Variants in WWTR1 observed in about 807,000 individuals in gnomAD.
The protein encoded by WWTR1 is WW domain containing transcription regulator 1.
In WWTR1, 13 loss-of-function variants were observed where a neutral mutation model predicts 40.1. That is an observed-to-expected ratio of 0.32 (90% CI 0.21 to 0.52). The LOEUF (loss-of-function observed/expected upper bound fraction) is 0.52. Ranked by LOEUF, WWTR1 falls within the 20% of genes least tolerant of loss-of-function variation. The pLI, the probability that WWTR1 is intolerant of heterozygous loss-of-function variation, is 0.97. For missense variants in WWTR1, 436 were observed against 523.1 expected (o/e 0.83, Z 1.63); for synonymous variants, 230 against 210.1 (o/e 1.09, Z -0.82).
intron 1 of WWTR1, among the ~76,000 whole-genome samples, chr3:149,689,380 C>CAAAAAAAAAAAAAAAAAAAAAGAAA (rs1714748239): frequency 2.7e-5 from 1 of 36,696 alleles, no homozygotes; most frequent in Non-Finnish European, 4.5e-5. Context: ...GAACCTATCT[C>CAAAAAAAAAAAAAAAAAAAAAGAAA]AAAAAAAAAA....
At chr3:149,624,089 C>T (rs576562928) in intron 2 of WWTR1, among the ~76,000 whole-genome samples, 1 of 152,192 alleles carries the variant, frequency 6.6e-6, no homozygotes, top group Non-Finnish European at 1.5e-5. Flanking sequence ...CATTGAGGAA[C>T]TAAATCTTTC....
At position 149,520,947 on chromosome 3, in the gene WWTR1, T is replaced by C. The variant is rs748329270; in HGVS notation, c.1061A>G (p.Gln354Arg). ...GQTPMNINPQ[Q>R]TRFPDFLDCL... ...GTCAAGGAAATCAGGGAAACGGGTC[T>C]GTTGGGGATTGATGTTCATGGGTGT... Residue 354 changes from glutamine (Q) to arginine (R), a missense_variant, in exon 7 of 7, where the codon CAG becomes CGG. Gln to Arg is a conservative substitution (Grantham distance 43). Transcript: ENST00000360632. 32 of 1,612,036 alleles carry C rather than the reference T, an allele frequency of 2.0e-5. No individual in the cohort carries two copies. Among genetic ancestry groups the C allele is most frequent in the Non-Finnish European group, 2.7e-5 (32 of 1,179,038 alleles).
rs905818373 is a variant in WWTR1 at position 149,517,486 on chromosome 3, C to T, written c.*3319G>A. ...TTGCCCATTTTCCCAATTAAATTAA[C>T]CTACGATTTCCTTTTTTTAACAGCT... On this transcript the variant is annotated 3_prime_UTR_variant, in exon 7 of 7. Transcript: ENST00000360632. 1 of 152,104 alleles carries T rather than the reference C, an allele frequency of 6.6e-6. No individual in the cohort carries two copies. Among genetic ancestry groups the T allele is most frequent in the African/African-American group, 2.4e-5 (1 of 41,396 alleles). The allele number at this position is 152,104 out of a possible 1,614,324, so 9.4% of individuals were successfully genotyped here.
At chr3:149,621,761 TA>T (rs143922028) in intron 2 of WWTR1, among the ~76,000 whole-genome samples, 3,214 of 152,334 alleles carry the variant, frequency 0.021, 83 homozygotes, top group African/African-American at 0.068. Flanking sequence ...TGTAATGCAT[TA>T]CAGGTGTTCT....
intron 2 of WWTR1, among the ~76,000 whole-genome samples, chr3:149,605,605 C>T (rs768173769): frequency 1.3e-4 from 20 of 152,070 alleles, no homozygotes; most frequent in African/African-American, 3.6e-4. Context: ...TGCAAGTAGA[C>T]GTGTTTAATG....
At chr3:149,590,354 A>G (rs1738634668) in intron 2 of WWTR1, among the ~76,000 whole-genome samples, 1 of 152,126 alleles carries the variant, frequency 6.6e-6, no homozygotes, top group African/African-American at 2.4e-5. Context: ...CTCTGTTTTT[A>G]AGAAATAAAA....
chr3:149,698,177 C>A (rs1021964671), intron 1 of WWTR1, among the ~76,000 whole-genome samples: 1 of 152,012 alleles, frequency 6.6e-6, no homozygotes, highest in African/African-American at 2.4e-5. Context: ...TGTGTCCCCA[C>A]CCAAATCTCA....
At chr3:149,571,475 T>C (rs935283895) in intron 3 of WWTR1, among the ~76,000 whole-genome samples, 2 of 152,198 alleles carry the variant, frequency 1.3e-5, no homozygotes, top group South Asian at 4.1e-4. Flanking sequence ...TTACCACTGC[T>C]GGTACCAGAA....
Position 149,657,421 on chromosome 3 carries a change from C to T in WWTR1, c.-3-112G>A, listed in dbSNP as rs112253897. 47 of 1,277,138 alleles carry T rather than the reference C, an allele frequency of 3.7e-5. No homozygotes were observed. In the African/African-American group the frequency reaches 3.7e-4, roughly 10 times the overall value. 79.1% of individuals were successfully genotyped at this position (1,277,138 alleles called of 1,614,324 possible). On this transcript the variant is annotated intron_variant, in intron 1 of 6. Transcript: ENST00000360632. Reference sequence around the variant, plus strand: ...GAGAAAGAATAGAGGGAAAAGGAAACGAGGAGACAGATAATTGCCCGCCTG... The same window carrying T: ...GAGAAAGAATAGAGGGAAAAGGAAATGAGGAGACAGATAATTGCCCGCCTG...
intron 2 of WWTR1, among the ~76,000 whole-genome samples, chr3:149,618,741 T>TA (rs1351327989): frequency 6.6e-6 from 1 of 152,146 alleles, no homozygotes; most frequent in African/African-American, 2.4e-5. Context: ...TATTTAGACA[T>TA]AAAGTCTCTG....
intron 2 of WWTR1, among the ~76,000 whole-genome samples, chr3:149,621,477 G>T (rs1275298331): frequency 6.6e-6 from 1 of 152,116 alleles, no homozygotes; most frequent in East Asian, 1.9e-4. Context: ...GTAGCTTGTT[G>T]TATATTCCCA....
intron 2 of WWTR1, among the ~76,000 whole-genome samples, chr3:149,618,468 G>C (rs1203463075): frequency 6.6e-6 from 1 of 152,228 alleles, no homozygotes; most frequent in Non-Finnish European, 1.5e-5. Context: ...GCAGGCAAGA[G>C]GCTAGAGAGC....
At chr3:149,592,949 C>T (rs769322560) in intron 2 of WWTR1, among the ~76,000 whole-genome samples, 2 of 152,074 alleles carry the variant, frequency 1.3e-5, no homozygotes, top group East Asian at 3.9e-4. Context: ...CTGGGGCATG[C>T]CACATTGAAA....
rs1560089671 is a variant in WWTR1 at position 149,622,491 on chromosome 3, AAGG to A, written c.431+34382_431+34384del. 6.0e-4 allele frequency among the ~76,000 whole-genome samples: 81 copies of A among 135,024 alleles called. 1 individual carries two copies. In the East Asian group the frequency reaches 6.5e-3, roughly 11 times the overall value. The allele number at this position is 135,024 out of a possible 152,430, so 88.6% of individuals were successfully genotyped here. On this transcript the variant is annotated intron_variant, in intron 2 of 6. Transcript: ENST00000360632. ...GAAGGAAGGAAGGAAGGAAGGAAGGAAGGAAGGAAGGAAGAAAGAAAGAAAGAA... is the reference window on the plus strand; with the variant it reads ...GAAGGAAGGAAGGAAGGAAGGAAGGAAAGGAAGGAAGAAAGAAAGAAAGAA...
Position 149,605,678 on chromosome 3 carries a change from A to G in WWTR1, c.432-32678T>C, listed in dbSNP as rs184638213. On this transcript the variant is annotated intron_variant, in intron 2 of 6. Transcript: ENST00000360632. ...TTTGTGCTAGAGATTTAGACTAGGGACTTATCACCATACAGTTGCTGAAAC... is the reference window on the plus strand; with the variant it reads ...TTTGTGCTAGAGATTTAGACTAGGGGCTTATCACCATACAGTTGCTGAAAC... Among the ~76,000 whole-genome samples, 7 of 152,294 alleles carry G rather than the reference A, an allele frequency of 4.6e-5. No homozygotes were observed. The East Asian group carries it at 1.4e-3, about 29-fold the overall frequency.
intron 4 of WWTR1, among the ~76,000 whole-genome samples, chr3:149,530,230 C>T (rs1735502611): frequency 6.6e-6 from 1 of 151,916 alleles, no homozygotes. Context: ...ACCTGTGGTC[C>T]CAGATACTCA....
chr3:149,672,995 A>G lies in WWTR1; in HGVS notation c.-107-3104T>C, dbSNP rs567644935. Reference sequence around the variant, plus strand: ...ACTTTTCCTATCTACTTAATGAAAAAGAAAAAGTATGAATTGCTAAAAATG... The same window carrying G: ...ACTTTTCCTATCTACTTAATGAAAAGGAAAAAGTATGAATTGCTAAAAATG... On this transcript the variant is annotated intron_variant, in intron 1 of 7. Transcript: ENST00000465804. Among the ~76,000 whole-genome samples, 23 of 152,282 alleles carry G rather than the reference A, an allele frequency of 1.5e-4. No homozygotes were observed. In the South Asian group the frequency reaches 4.8e-3, roughly 32 times the overall value.
intron 1 of WWTR1, among the ~76,000 whole-genome samples, chr3:149,694,087 C>G (rs1714904160): frequency 6.6e-6 from 1 of 152,148 alleles, no homozygotes; most frequent in Non-Finnish European, 1.5e-5. Flanking sequence ...TATTTGCACA[C>G]CATCCATCTA....
chr3:149,705,674 C>G (rs989024955), upstream of WWTR1, among the ~76,000 whole-genome samples: 2 of 152,126 alleles, frequency 1.3e-5, no homozygotes, highest in South Asian at 4.1e-4. Context: ...TCAACAAAAC[C>G]ACAGTAAGAA....
Sources: allele counts gnomAD v4.1 joint callset (sites outside exome capture counted in the v4.1 genomes callset), GRCh38; gene constraint gnomAD v4.1.1; transcripts MANE v1.5; gene names NCBI Gene and HGNC (gene_info 2026-07-23, HGNC 2026-07-21).